Variants in DNAH9 observed in about 807,000 individuals in gnomAD.
The protein encoded by DNAH9 is dynein axonemal heavy chain 9.
Under a neutral mutation model 471.6 loss-of-function variants are expected in DNAH9, and 345 were observed. The observed-to-expected ratio is 0.73, with a 90% CI of 0.67 to 0.80. The LOEUF (loss-of-function observed/expected upper bound fraction) is 0.80. Ranked by LOEUF, DNAH9 falls within the 30% of genes least tolerant of loss-of-function variation. The pLI, the probability that DNAH9 is intolerant of heterozygous loss-of-function variation, is 0.00. For synonymous variants in DNAH9, 2,093 were observed against 2,123.6 expected (o/e 0.99, Z 0.40); for missense variants, 5,407 against 5,609.2 (o/e 0.96, Z 1.15).
intron 27 of DNAH9, among the ~76,000 whole-genome samples, chr17:11,722,295 C>T (rs1352163881): frequency 2.6e-5 from 4 of 152,168 alleles, no homozygotes; most frequent in Non-Finnish European, 4.4e-5. Context: ...CCACTGAAAG[C>T]ATCTCACCTT....
chr17:11,812,232 A>C (rs1163500188), intron 45 of DNAH9, among the ~76,000 whole-genome samples: 1 of 151,236 alleles, frequency 6.6e-6, no homozygotes, highest in African/African-American at 2.4e-5. Flanking sequence ...GTCAGTGTAC[A>C]AATGTTCCTG....
chr17:11,725,577 T>C (rs1183125968), intron 27 of DNAH9, among the ~76,000 whole-genome samples: 1 of 152,192 alleles, frequency 6.6e-6, no homozygotes, highest in Non-Finnish European at 1.5e-5. Flanking sequence ...CTTCAAAGTC[T>C]GCCCTACATC....
At chr17:11,735,327 C>T (rs2075327523) in intron 28 of DNAH9, among the ~76,000 whole-genome samples, 2 of 152,096 alleles carry the variant, frequency 1.3e-5, no homozygotes, top group South Asian at 4.1e-4. Flanking sequence ...AAAGTGTCTC[C>T]AGACATTGCC....
At chr17:11,692,391 G>C (rs895226010) in intron 20 of DNAH9, among the ~76,000 whole-genome samples, 1 of 152,168 alleles carries the variant, frequency 6.6e-6, no homozygotes, top group Non-Finnish European at 1.5e-5. Flanking sequence ...TTTGGCTGAA[G>C]CTAATTGCAT....
intron 61 of DNAH9, among the ~76,000 whole-genome samples, chr17:11,912,529 G>A (rs1973824491): frequency 6.6e-6 from 1 of 151,972 alleles, no homozygotes; most frequent in African/African-American, 2.4e-5. Context: ...AAGTTGTTGG[G>A]TTTTGTCAAA....
chr17:11,875,297 CA>C (rs1389116502), intron 53 of DNAH9, 113 bp downstream of exon 53: 3 of 795,070 alleles, frequency 3.8e-6, no homozygotes, highest in Non-Finnish European at 6.0e-6. Flanking sequence ...GTCTCTCCAT[CA>C]GGCTTCTCAC....
In DNAH9 at chr17:11,880,201, G is replaced by A. The variant is rs1972664233; in HGVS notation, c.10601+1G>A. On this transcript the variant is annotated splice_donor_variant, in intron 54 of 68. Transcript: ENST00000262442. LOFTEE classifies it high-confidence loss of function. ...GGAGAGAAGTCATTAAAAAAGGACG[G>A]TAAGACTCAGCTGTGTTGCTGACCC... 14 of 1,612,880 alleles carry A rather than the reference G, an allele frequency of 8.7e-6. No homozygotes were observed. The highest frequency in any genetic ancestry group is 1.2e-5 in the Non-Finnish European group (14 of 1,179,580).
chr17:11,695,687 G>T (rs1442773339), intron 22 of DNAH9, among the ~76,000 whole-genome samples: 1 of 152,170 alleles, frequency 6.6e-6, no homozygotes, highest in Non-Finnish European at 1.5e-5. Context: ...CACTTGGAAG[G>T]CTTGTCGAAG....
intron 24 of DNAH9, among the ~76,000 whole-genome samples, chr17:11,702,423 G>A (rs141195797): frequency 6.6e-6 from 1 of 152,186 alleles, no homozygotes; most frequent in Non-Finnish European, 1.5e-5. Context: ...TCTGTTTGGG[G>A]GTTGCAGACA....
intron 59 of DNAH9, among the ~76,000 whole-genome samples, chr17:11,898,158 C>T (rs1331315526): frequency 6.6e-6 from 1 of 151,112 alleles, no homozygotes; most frequent in Non-Finnish European, 1.5e-5. Flanking sequence ...CGGAGTCTCG[C>T]TGTGTCGCCA....
intron 35 of DNAH9, among the ~76,000 whole-genome samples, chr17:11,759,586 G>A (rs913013696): frequency 4.2e-5 from 6 of 144,050 alleles, no homozygotes; most frequent in African/African-American, 1.3e-4. Context: ...GCAGTGGTGC[G>A]ATCTTGGCTC....
At chr17:11,676,472 A>G (rs375609637) in intron 17 of DNAH9, among the ~76,000 whole-genome samples, 2 of 151,488 alleles carry the variant, frequency 1.3e-5, no homozygotes, top group African/African-American at 4.8e-5. Context: ...TAGTAGAGAC[A>G]GGGTTTCTCC....
chr17:11,646,021 A>G (rs1008808699), intron 11 of DNAH9, among the ~76,000 whole-genome samples: 1 of 151,586 alleles, frequency 6.6e-6, no homozygotes, highest in African/African-American at 2.4e-5. Context: ...CTGGGACTAC[A>G]GGTGCCCACC....
intron 61 of DNAH9, among the ~76,000 whole-genome samples, chr17:11,910,391 A>C (rs1363750762): frequency 6.6e-6 from 1 of 152,192 alleles, no homozygotes; most frequent in Non-Finnish European, 1.5e-5. Context: ...TCAGAACTAC[A>C]TTCTTTCTTA....
In DNAH9 at chr17:11,747,734, T is replaced by C; in HGVS notation, c.6578T>C (p.Ile2193Thr). The change falls in exon 32 of 69, where the codon ATC (isoleucine) becomes ACC (threonine). Residue 2193 changes from isoleucine to threonine, a missense_variant. Physicochemically the swap from Ile to Thr is moderately conservative, Grantham distance 89 (BLOSUM62 -1). Around this residue, in one of 3 missense-constraint regions of DNAH9, gnomAD observed 4,636 missense variants for 4,900.3 expected, o/e 0.95. Transcript: ENST00000262442. ...KAVTNDELFG[I>T]INPATGEWKD... Reference sequence around the variant, plus strand: ...GTCACAAATGATGAGCTCTTTGGCATCATCAATCCAGCCACAGGAGAATGG... The same window carrying C: ...GTCACAAATGATGAGCTCTTTGGCACCATCAATCCAGCCACAGGAGAATGG... 6.2e-7 allele frequency: 1 copy of C among 1,614,090 alleles called. No individual in the cohort carries two copies. Among genetic ancestry groups the C allele is most frequent in the South Asian group, 1.1e-5 (1 of 91,082 alleles).
intron 14 of DNAH9, among the ~76,000 whole-genome samples, chr17:11,659,030 T>C (rs981410261): frequency 8.5e-5 from 13 of 152,210 alleles, no homozygotes; most frequent in Non-Finnish European, 1.5e-5. Flanking sequence ...TTTCCTCTTT[T>C]ATTTTCTGAA....
chr17:11,822,802 C>T lies in DNAH9; in HGVS notation c.9014C>T (p.Pro3005Leu), dbSNP rs762284727. 11 of 1,614,102 alleles carry T rather than the reference C, an allele frequency of 6.8e-6. No individual in the cohort carries two copies. The highest frequency in any genetic ancestry group is 2.2e-5 in the East Asian group (1 of 44,884). Residue 3005 changes from proline to leucine, a missense_variant and splice_region_variant, in exon 48 of 69, where the codon CCC becomes CTC. By Grantham distance (98) the Pro-to-Leu change is moderately conservative. This residue lies in a region of DNAH9 where 4,636 missense variants were observed against 4,900.3 expected (regional missense o/e 0.95). Transcript: ENST00000262442. ...TCATTTCTTGCTCTTTGGTTTTAGC[C>T]CACAGTAAAGCAGTCGATTAGCAAA... The part of the protein sequence containing the change: ...RFLQNTEGIE[P>L]TVKQSISKFM...
intron 53 of DNAH9, among the ~76,000 whole-genome samples, chr17:11,879,826 A>G (rs749724784): frequency 2.0e-5 from 3 of 152,218 alleles, no homozygotes; most frequent in Non-Finnish European, 4.4e-5. Flanking sequence ...GTATACACCA[A>G]AACGTTGAAG....
At position 11,624,027 on chromosome 17, in the gene DNAH9, C is replaced by G. The variant is rs76384622; in HGVS notation, c.1350+4246C>G. On this transcript the variant is annotated intron_variant, in intron 6 of 68. Transcript: ENST00000262442. ...TACATTGCCCAGTATTTTTCGGTGT[C>G]TGCAGTAAGTGGAGTAATTGCATTT... is the stretch of plus-strand genomic sequence containing the variant. Among the ~76,000 whole-genome samples, 613 of 152,266 alleles carry G rather than the reference C, an allele frequency of 4.0e-3. 3 individuals are homozygous for G. Among genetic ancestry groups the G allele is most frequent in the Middle Eastern group, 0.01 (3 of 294 alleles).
Sources: allele counts gnomAD v4.1 joint callset (sites outside exome capture counted in the v4.1 genomes callset), GRCh38; gene constraint gnomAD v4.1.1; regional missense constraint gnomAD v4.1.1; transcripts MANE v1.5; gene names NCBI Gene and HGNC (gene_info 2026-07-23, HGNC 2026-07-21).